TMEM208: variants seen among roughly 807,000 people sequenced by gnomAD.
TMEM208 encodes the protein SRP-independent targeting 2 homolog.
Under a neutral mutation model 26.4 loss-of-function variants are expected in TMEM208, and 19 were observed. The observed-to-expected ratio is 0.72, with a 90% CI of 0.50 to 1.06. The LOEUF is 1.06. Ranked by LOEUF, TMEM208 falls within the 50% of genes least tolerant of loss-of-function variation. The pLI is 0.00. For synonymous variants in TMEM208, 93 were observed against 83.1 expected, an observed-to-expected ratio of 1.12 and a Z score of -0.65; for missense variants, 183 against 219.8, an observed-to-expected ratio of 0.83 and a Z score of 1.06.
Position 67,228,495 on chromosome 16 carries a change from T to G in TMEM208, c.163T>G (p.Leu55Val). 3.7e-6 allele frequency: 6 copies of G among 1,613,844 alleles called. No individual in the cohort carries two copies. The highest frequency in any genetic ancestry group is 4.2e-6 in the Non-Finnish European group (5 of 1,179,760). The change falls in exon 4 of 6, where the codon TTG becomes GTG. Residue 55 changes from leucine to valine, a missense_variant and splice_region_variant. Physicochemically the swap from Leu to Val is conservative, Grantham distance 32. Transcript: ENST00000304800. ...TGATACCCTCATTCTTGCTCTGCAG[T>G]TGGCCCTGGGCTTTAGTCTGGCAGT... ...FYSSASFWAW[L>V]ALGFSLAVYG...
chr16:67,229,143 C>T lies in TMEM208; in HGVS notation c.*30C>T, dbSNP rs1322114495. The T allele has an allele frequency of 1.3e-6, 2 of 1,557,360 alleles. No individual in the cohort carries two copies. The highest frequency in any genetic ancestry group is 1.9e-5 in the Admixed American group (1 of 51,312). On this transcript the variant is annotated 3_prime_UTR_variant, in exon 6 of 6. Coordinates refer to ENST00000304800, the MANE Select transcript of TMEM208 (RefSeq NM_014187.4). ...TGACATTGTGGCCACAGGCCACTGG[C>T]CCTGGGTGGCTCTGTCAGGGTGCAC...
chr16:67,227,132 A>G lies in TMEM208; in HGVS notation c.-87A>G. 1.9e-6 allele frequency: 3 copies of G among 1,584,956 alleles called. No individual in the cohort carries two copies. Among genetic ancestry groups the G allele is most frequent in the East Asian group, 2.3e-5 (1 of 44,394 alleles). ...AGCTGACGACTTCGGTCTGCGCCGG[A>G]AGTGCATGAGCTGCCGATGTGGTGC... On this transcript the variant is annotated 5_prime_UTR_variant, in exon 1 of 6. Coordinates refer to ENST00000304800, the MANE Select transcript of TMEM208 (RefSeq NM_014187.4).
chr16:67,227,158 T>A lies in TMEM208; in HGVS notation c.-61T>A. The A allele has an allele frequency of 6.2e-7, 1 of 1,606,284 alleles. No homozygotes were observed. The highest frequency in any genetic ancestry group is 8.5e-7 in the Non-Finnish European group (1 of 1,174,920). On this transcript the variant is annotated 5_prime_UTR_variant, in exon 1 of 6. Coordinates refer to ENST00000304800, the MANE Select transcript of TMEM208 (RefSeq NM_014187.4). ...AGTGCATGAGCTGCCGATGTGGTGC[T>A]TAGTGATTGCGGTTTCGGTCGCTCT...
At chr16:67,228,284 G>A in intron 2 of TMEM208, 71 bp from the exon 3 acceptor site, 1 of 1,554,468 alleles carries the variant, frequency 6.4e-7, no homozygotes, top group Non-Finnish European at 8.9e-7. Flanking sequence ...CTAATTCTTG[G>A]TCAGAGTTGA....
At position 67,228,417 on chromosome 16, in the gene TMEM208, A is replaced by G; in HGVS notation, c.162+3A>G. The stretch of plus-strand genomic sequence containing the variant: ...CATCTGCCTCATTTTGGGCCTGGGT[A>G]AGTATCTCCATCCTGGGAGGTGGAT... On this transcript the variant is annotated splice_donor_region_variant and intron_variant, in intron 3 of 5. Transcript: ENST00000304800. 1 of 1,613,930 alleles carries G rather than the reference A, an allele frequency of 6.2e-7. No homozygotes were observed. The highest frequency in any genetic ancestry group is 8.5e-7 in the Non-Finnish European group (1 of 1,179,862).
chr16:67,228,951 C>T, intron 5 of TMEM208, 25 bp from the exon 6 acceptor site: 2 of 1,609,490 alleles, frequency 1.2e-6, no homozygotes, highest in Admixed American at 1.7e-5. Flanking sequence ...CTGCATCTTG[C>T]TTCAAGTTAC....
intron 5 of TMEM208, 22 bp downstream of exon 5, chr16:67,228,903 C>A: frequency 6.2e-7 from 1 of 1,613,228 alleles, no homozygotes. Context: ...GGGGGCGCTC[C>A]CAAGAAGGGG....
Position 67,228,636 on chromosome 16 carries a change from G to C in TMEM208, c.299+5G>C. 6.4e-7 allele frequency: 1 copy of C among 1,558,280 alleles called. No homozygotes were observed. Among genetic ancestry groups the C allele is most frequent in the Non-Finnish European group, 8.7e-7 (1 of 1,150,242 alleles). ...CATGGAGCAGGGCATGGCAGAGTGA[G>C]TGTCCCCCACCGCCAGCCCAGGTGA... is the stretch of plus-strand genomic sequence containing the variant. On this transcript the variant is annotated splice_donor_5th_base_variant and intron_variant, in intron 4 of 5. Transcript: ENST00000304800.
At chr16:67,227,263 G>A in intron 1 of TMEM208, 39 bp downstream of exon 1, 1 of 1,605,396 alleles carries the variant, frequency 6.2e-7, no homozygotes. Flanking sequence ...CACCAGCAAA[G>A]CTCTCCAGGG....
chr16:67,227,166 T>C lies in TMEM208; in HGVS notation c.-53T>C, dbSNP rs368063384. On this transcript the variant is annotated 5_prime_UTR_variant, in exon 1 of 6. Transcript: ENST00000304800. ...AGCTGCCGATGTGGTGCTTAGTGAT[T>C]GCGGTTTCGGTCGCTCTCCCGTGTT... 12 of 1,607,474 alleles carry C rather than the reference T, an allele frequency of 7.5e-6. No individual in the cohort carries two copies. The highest frequency in any genetic ancestry group is 2.7e-5 in the African/African-American group (2 of 74,866).
At chr16:67,227,614 G>A (rs772977924) in intron 1 of TMEM208, 2 of 579,966 alleles carry the variant, frequency 3.4e-6, no homozygotes, top group Non-Finnish European at 6.1e-6. Context: ...ATTGTTCCAG[G>A]GCGAGCAAGA....
Position 67,229,228 on chromosome 16 carries a change from T to C in TMEM208, c.*115T>C, listed in dbSNP as rs925548631. 1.9e-6 allele frequency: 2 copies of C among 1,053,594 alleles called. No individual in the cohort carries two copies. Among genetic ancestry groups the C allele is most frequent in the African/African-American group, 1.6e-5 (1 of 62,424 alleles). 65.3% of individuals were successfully genotyped at this position (1,053,594 alleles called of 1,614,324 possible). ...CAGGGGCCAAAAGCAGTCTGAGGTA[T>C]TGGGTATACTTATACTCTATAGGGT... On this transcript the variant is annotated 3_prime_UTR_variant, in exon 6 of 6. Transcript: ENST00000304800.
At chr16:67,227,456 T>G (rs768744646) in intron 1 of TMEM208, among the ~76,000 whole-genome samples, 12 of 152,120 alleles carry the variant, frequency 7.9e-5, no homozygotes, top group Non-Finnish European at 1.8e-4. Flanking sequence ...CTAAGTGACC[T>G]GAGGTGGGGG....
At chr16:67,227,340 C>T (rs2034059863) in intron 1 of TMEM208, 116 bp downstream of exon 1, 1 of 1,422,462 alleles carries the variant, frequency 7.0e-7, no homozygotes, top group East Asian at 2.3e-5. Flanking sequence ...GGGCGCCATC[C>T]CTGGCCAGAC....
At chr16:67,228,257 T>C in intron 2 of TMEM208, 98 bp from the exon 3 acceptor site, 1 of 1,369,676 alleles carries the variant, frequency 7.3e-7, no homozygotes, top group South Asian at 1.2e-5. Flanking sequence ...ACAACCTTGC[T>C]CCTCCCACAG....
intron 1 of TMEM208, chr16:67,227,507 G>C: frequency 1.8e-6 from 1 of 562,010 alleles, no homozygotes; most frequent in Non-Finnish European, 3.1e-6. Context: ...GCCTGAGAGA[G>C]GCACCATTCA....
rs2142250595 is a variant in TMEM208 at position 67,227,895 on chromosome 16, T to C, written c.66T>C (p.Thr22=). 1 of 1,611,636 alleles carries C rather than the reference T, an allele frequency of 6.2e-7. No individual in the cohort carries two copies. Among genetic ancestry groups the C allele is most frequent in the Non-Finnish European group, 8.5e-7 (1 of 1,178,874 alleles). ...KKQIFEENRE[T]LKFYLRIILG... ...AGATATTTGAAGAGAACAGAGAGAC[T>C]CTGAAGTTCTACCTGCGGATCATAC... Residue 22 remains threonine, a synonymous_variant, in exon 2 of 6, where the codon ACT becomes ACC. Coordinates refer to ENST00000304800, the MANE Select transcript of TMEM208 (RefSeq NM_014187.4).
chr16:67,228,551 G>C lies in TMEM208; in HGVS notation c.219G>C (p.Ser73=), dbSNP rs777014595. The C allele has an allele frequency of 6.2e-7, 1 of 1,610,724 alleles. No homozygotes were observed. The highest frequency in any genetic ancestry group is 8.5e-7 in the Non-Finnish European group (1 of 1,177,686). ...GGGCCAGCTACCACTCTATGAGCTC[G>C]ATGGCACGAGCAGCGTTCTCTGAGG... ...VYGASYHSMS[S]MARAAFSEDG... Residue 73 remains serine, a synonymous_variant, in exon 4 of 6, where the codon TCG becomes TCC. Coordinates refer to ENST00000304800, the MANE Select transcript of TMEM208 (RefSeq NM_014187.4).
At chr16:67,227,766 G>A (rs2142250237) in intron 1 of TMEM208, 70 bp from the exon 2 acceptor site, 4 of 1,292,296 alleles carry the variant, frequency 3.1e-6, no homozygotes, top group South Asian at 1.3e-5. Context: ...GAGCTCTATA[G>A]CTCACCAGGC....
Sources: gnomAD v4.1 joint callset for allele counts (sites outside exome capture counted in the v4.1 genomes callset) on GRCh38, gnomAD v4.1.1 for gene constraint, MANE v1.5 for transcripts, NCBI Gene and HGNC (gene_info 2026-07-23, HGNC 2026-07-21) for gene names.